Variants in COL6A5 observed in about 807,000 individuals in gnomAD.
COL6A5 encodes collagen type VI alpha 5 chain, also known as collagen alpha-5(VI) chain.
Under a neutral mutation model 65.6 loss-of-function variants are expected in COL6A5, and 48 were observed. That is an observed-to-expected ratio of 0.73 (90% confidence interval 0.58 to 0.93). The LOEUF is 0.93. Among genes scored for constraint, COL6A5 ranks in the 40% least tolerant of loss-of-function variants. COL6A5 has a pLI of 0.00. For missense variants in COL6A5, 914 were observed against 928.3 expected (o/e 0.98, Z 0.20); for synonymous variants, 291 against 322.8 (o/e 0.90, Z 1.05).
chr3:130,439,444 A>G, intron 1 of COL6A5, 78 bp from the exon 34 acceptor site: 2 of 1,052,168 alleles, frequency 1.9e-6, no homozygotes, highest in Non-Finnish European at 2.8e-6. Context: ...GGTGTTTTTT[A>G]AACTAATCCT....
chr3:130,397,788 C>T (rs1292375999), exon 9 of COL6A5: 4 of 1,551,546 alleles, frequency 2.6e-6, no homozygotes, highest in Non-Finnish European at 2.6e-6. Flanking sequence ...GATTCCCTGC[C>T]AAGTTCCAAA....
At chr3:130,410,504 C>T (rs751342003) in exon 20 of COL6A5, 2 of 1,550,810 alleles carry the variant, frequency 1.3e-6, no homozygotes, top group South Asian at 2.4e-5. Context: ...GCAAGGCAGT[C>T]CTAGTTCCAG....
chr3:130,422,272 A>G (rs78908808), intron 27 of COL6A5, among the ~76,000 whole-genome samples: 4,961 of 152,168 alleles, frequency 0.033, 104 homozygotes, highest in South Asian at 0.089. Flanking sequence ...GCATAATTCA[A>G]CTTACTGATA....
chr3:130,459,606 A>T (rs1350616751), intron 5 of COL6A5, among the ~76,000 whole-genome samples: 1 of 152,076 alleles, frequency 6.6e-6, no homozygotes, highest in African/African-American at 2.4e-5. Flanking sequence ...TTTTAAGGGA[A>T]ATGTTTTAGA....
intron 1 of COL6A5, among the ~76,000 whole-genome samples, chr3:130,438,846 AG>A: frequency 6.6e-6 from 1 of 152,352 alleles, no homozygotes; most frequent in Non-Finnish European, 1.5e-5. Flanking sequence ...TGAATGAATG[AG>A]TGCTGTATAT....
chr3:130,380,858 A>G (rs191524197), intron 4 of COL6A5, among the ~76,000 whole-genome samples: 83 of 152,258 alleles, frequency 5.5e-4, no homozygotes, highest in African/African-American at 1.9e-3. Flanking sequence ...TGTTTCACAA[A>G]TAAGTCCAGA....
chr3:130,473,212 G>C (rs1181037341), intron 7 of COL6A5, among the ~76,000 whole-genome samples: 1 of 151,888 alleles, frequency 6.6e-6, no homozygotes, highest in Non-Finnish European at 1.5e-5. Context: ...AATACAAAAA[G>C]CAACTACCTG....
chr3:130,408,653 A>G (rs1937078994), intron 17 of COL6A5, among the ~76,000 whole-genome samples: 1 of 149,762 alleles, frequency 6.7e-6, no homozygotes. Flanking sequence ...CCCTAATAAA[A>G]ACTTGCTGGT....
At chr3:130,394,024 C>T (rs1215051204) in intron 7 of COL6A5, among the ~76,000 whole-genome samples, 3 of 152,122 alleles carry the variant, frequency 2.0e-5, no homozygotes, top group Non-Finnish European at 4.4e-5. Flanking sequence ...ATTCTGTGAC[C>T]GTGGGTAACC....
chr3:130,357,262 T>C (rs1038459389), intron 1 of COL6A5, among the ~76,000 whole-genome samples: 8 of 152,178 alleles, frequency 5.3e-5, no homozygotes, highest in Non-Finnish European at 1.0e-4. Context: ...GAATGATAAC[T>C]GCAAAATCTA....
chr3:130,447,960 T>C lies in COL6A5; in HGVS notation c.1332+4394T>C, dbSNP rs1577520007. Among the ~76,000 whole-genome samples the C allele has an allele frequency of 2.0e-5, 3 of 152,308 alleles. No homozygotes were observed. In the East Asian group the frequency reaches 5.8e-4, roughly 29 times the overall value. On this transcript the variant is annotated intron_variant, in intron 4 of 7. Transcript: ENST00000512836. ...ATCAAACAATTTGTTTTTTGGATAG[T>C]GATTGTCAATAATGCCAATAAAATC...
In COL6A5 at chr3:130,385,373, C is replaced by T; in HGVS notation, c.1861+9C>T. 6.5e-7 allele frequency: 1 copy of T among 1,539,686 alleles called. No individual in the cohort carries two copies. The highest frequency in any genetic ancestry group is 8.7e-7 in the Non-Finnish European group (1 of 1,142,908). The stretch of plus-strand genomic sequence containing the variant: ...AATCTGCGCTGAAAAAGGTAAGCAA[C>T]ACAAAAAAGGCTTTATTCTCCACAT... On this transcript the variant is annotated intron_variant and NMD_transcript_variant, in intron 5 of 41. Transcript: ENST00000312481.
Position 130,361,255 on chromosome 3 carries a change from C to G in COL6A5, c.-28-12356C>G, listed in dbSNP as rs181516208. On this transcript the variant is annotated intron_variant and NMD_transcript_variant, in intron 1 of 41. Coordinates refer to the COL6A5 transcript ENST00000312481. ...TCCACCTGTTCATCCCTCCATACCTCCTAACCACTGACAGCCACAAATCTT... is the reference window on the plus strand; with the variant it reads ...TCCACCTGTTCATCCCTCCATACCTGCTAACCACTGACAGCCACAAATCTT... Among the ~76,000 whole-genome samples the G allele has an allele frequency of 2.3e-4, 35 of 152,198 alleles. No individual in the cohort carries two copies. In the East Asian group the frequency reaches 6.2e-3, roughly 27 times the overall value.
intron 1 of COL6A5, among the ~76,000 whole-genome samples, chr3:130,369,446 A>T (rs568974200): frequency 6.6e-6 from 1 of 152,168 alleles, no homozygotes; most frequent in African/African-American, 2.4e-5. Flanking sequence ...CTTGTTAAAT[A>T]ATTTCTTTTT....
At chr3:130,441,672 C>T (rs570386272) in intron 3 of COL6A5, among the ~76,000 whole-genome samples, 64 of 152,154 alleles carry the variant, frequency 4.2e-4, no homozygotes, top group African/African-American at 1.3e-3. Context: ...CCCCAGGGGA[C>T]ATTTGGAAAT....
At chr3:130,384,204 G>C (rs1338917360) in intron 4 of COL6A5, among the ~76,000 whole-genome samples, 1 of 151,994 alleles carries the variant, frequency 6.6e-6, no homozygotes, top group Non-Finnish European at 1.5e-5. Flanking sequence ...ACGTTCTAAA[G>C]ACAGAATGAA....
chr3:130,391,721 G>A (rs1936410296), exon 7 of COL6A5: 2 of 1,551,148 alleles, frequency 1.3e-6, no homozygotes, highest in African/African-American at 2.7e-5. Context: ...TTTCACACTT[G>A]TTCAAGAACG....
chr3:130,379,370 C>T, intron 3 of COL6A5, 48 bp from the exon 4 acceptor site: 1 of 1,474,434 alleles, frequency 6.8e-7, no homozygotes, highest in South Asian at 1.4e-5. Flanking sequence ...CTTTTTCTCT[C>T]CGGGCCAGTG....
At chr3:130,471,557 G>A in intron 7 of COL6A5, 125 bp from the exon 40 acceptor site, 1 of 881,614 alleles carries the variant, frequency 1.1e-6, no homozygotes, top group Non-Finnish European at 1.7e-6. Context: ...TTCATGGACT[G>A]AACTTGGACT....
Sources: allele counts gnomAD v4.1 joint callset (sites outside exome capture counted in the v4.1 genomes callset), GRCh38; gene constraint gnomAD v4.1.1; transcripts MANE v1.5; gene names NCBI Gene and HGNC (gene_info 2026-07-23, HGNC 2026-07-21).